The following PRKACB variants were observed in gnomAD, a reference collection of about 807,000 sequenced individuals.
PRKACB encodes cAMP-dependent protein kinase catalytic subunit beta.
In PRKACB, 16 loss-of-function variants were observed where a neutral mutation model predicts 51.4. The observed-to-expected ratio is 0.31, with a 90% CI of 0.21 to 0.47. The LOEUF (loss-of-function observed/expected upper bound fraction) is 0.47. Among genes scored for constraint, PRKACB ranks in the 20% least tolerant of loss-of-function variants. The probability of loss-of-function intolerance (pLI) is 1.00; values close to 1 mark genes in which losing one functional copy is unlikely to be tolerated. For missense variants in PRKACB, 309 were observed against 464.5 expected, an observed-to-expected ratio of 0.67 and a Z score of 3.08; for synonymous variants, 147 against 154.4, an observed-to-expected ratio of 0.95 and a Z score of 0.35.
chr1:84,144,312 C>T lies in PRKACB; in HGVS notation c.-50C>T. 8 of 1,589,886 alleles carry T rather than the reference C, an allele frequency of 5.0e-6. No homozygotes were observed. In the Admixed American group the frequency reaches 1.5e-4, roughly 30 times the overall value. On this transcript the variant is annotated 5_prime_UTR_variant, in exon 1 of 10. Transcript: ENST00000370685. ...GCTTCTGTGTAAGAAGTTGTGAGCTCCTTCTGGAAACATTTGCAGTTACAT... is the reference window on the plus strand; with the variant it reads ...GCTTCTGTGTAAGAAGTTGTGAGCTTCTTCTGGAAACATTTGCAGTTACAT...
At chr1:84,117,248 A>G (rs1056551513) in intron 1 of PRKACB, among the ~76,000 whole-genome samples, 1 of 151,942 alleles carries the variant, frequency 6.6e-6, no homozygotes, top group African/African-American at 2.4e-5. Context: ...TTCAGCAGGG[A>G]TGTTGACCTG....
chr1:84,193,959 T>C (rs1380408254), intron 5 of PRKACB, among the ~76,000 whole-genome samples: 1 of 152,138 alleles, frequency 6.6e-6, no homozygotes, highest in Non-Finnish European at 1.5e-5. Context: ...TGAGCAAACA[T>C]TGGAGTCATT....
chr1:84,108,501 A>T (rs1448422965), intron 1 of PRKACB, among the ~76,000 whole-genome samples: 1 of 151,844 alleles, frequency 6.6e-6, no homozygotes, highest in Non-Finnish European at 1.5e-5. Flanking sequence ...TTAAAATACT[A>T]AAAAAAAGTG....
intron 9 of PRKACB, among the ~76,000 whole-genome samples, chr1:84,230,247 A>G (rs1177977224): frequency 4.7e-5 from 7 of 149,804 alleles, no homozygotes; most frequent in Non-Finnish European, 9.0e-5. Context: ...AGTTGTAGAT[A>G]TGTGGCATTA....
chr1:84,086,261 G>C, intron 1 of PRKACB: 1 of 1,457,440 alleles, frequency 6.9e-7, no homozygotes, highest in Non-Finnish European at 9.6e-7. Context: ...TGGTTCCCTT[G>C]CCCCCATGGG....
chr1:84,147,881 A>G (rs558168741), intron 1 of PRKACB, among the ~76,000 whole-genome samples: 29 of 152,274 alleles, frequency 1.9e-4, no homozygotes, highest in African/African-American at 6.3e-4. Context: ...TCTATTAGAC[A>G]TCCAGAATTT....
chr1:84,173,428 G>C, intron 1 of PRKACB: 2 of 1,230,520 alleles, frequency 1.6e-6, no homozygotes, highest in African/African-American at 1.5e-5. Flanking sequence ...GAGATATTTT[G>C]TGGCAATTAG....
At chr1:84,164,728 G>C in intron 1 of PRKACB, 3 of 1,372,944 alleles carry the variant, frequency 2.2e-6, no homozygotes, top group East Asian at 2.6e-5. Flanking sequence ...ATATGAAGGA[G>C]GCTGGGATAA....
At chr1:84,215,800 C>G (rs893385560) in intron 9 of PRKACB, among the ~76,000 whole-genome samples, 1 of 152,048 alleles carries the variant, frequency 6.6e-6, no homozygotes, top group African/African-American at 2.4e-5. Flanking sequence ...ACCTTTATCT[C>G]TCATTTTGCT....
chr1:84,235,133 GA>G, intron 9 of PRKACB, 46 bp from the exon 10 acceptor site: 1 of 1,564,318 alleles, frequency 6.4e-7, no homozygotes, highest in Non-Finnish European at 8.7e-7. Context: ...AAACTCTCAG[GA>G]ATTTTTTTTT....
chr1:84,197,440 A>AT (rs1668526964), intron 6 of PRKACB, among the ~76,000 whole-genome samples: 1 of 151,888 alleles, frequency 6.6e-6, no homozygotes, highest in Non-Finnish European at 1.5e-5. Context: ...TTTACCTTTT[A>AT]TTTTCACTTT....
At chr1:84,206,419 C>T (rs1217614863) in intron 8 of PRKACB, among the ~76,000 whole-genome samples, 1 of 152,060 alleles carries the variant, frequency 6.6e-6, no homozygotes, top group African/African-American at 2.4e-5. Context: ...GAGGACTCAA[C>T]AAGATTCAGC....
chr1:84,106,899 A>T (rs183955152), intron 1 of PRKACB, among the ~76,000 whole-genome samples: 3 of 152,196 alleles, frequency 2.0e-5, no homozygotes. Context: ...ACTGGTATAA[A>T]AACAGACACA....
In PRKACB at chr1:84,231,127, T is replaced by C. The variant is rs529567180; in HGVS notation, c.1072-4053T>C. On this transcript the variant is annotated intron_variant, in intron 9 of 9. Transcript: ENST00000370685. ...CCATCAATACCTAATTTATTGAGAGTTTTTAGCGTGTTGAATTTTGTCAAA... is the reference window on the plus strand; with the variant it reads ...CCATCAATACCTAATTTATTGAGAGCTTTTAGCGTGTTGAATTTTGTCAAA... 3.1e-3 allele frequency among the ~76,000 whole-genome samples: 460 copies of C among 150,438 alleles called. 1 individual carries two copies. The highest frequency in any genetic ancestry group is 5.5e-3 in the South Asian group (26 of 4,740).
At position 84,235,521 on chromosome 1, in the gene PRKACB, C is replaced by G. The variant is rs1676587397; in HGVS notation, c.*216C>G. ...GCATTGTCTGTGCCATAACACAGTACTAGACCACTTTCTTACTTCTCTTTG... is the reference window on the plus strand; with the variant it reads ...GCATTGTCTGTGCCATAACACAGTAGTAGACCACTTTCTTACTTCTCTTTG... On this transcript the variant is annotated 3_prime_UTR_variant, in exon 10 of 10. Coordinates refer to ENST00000370685, the MANE Select transcript of PRKACB (RefSeq NM_182948.4). 3 of 495,104 alleles carry G rather than the reference C, an allele frequency of 6.1e-6. No individual in the cohort carries two copies. Among genetic ancestry groups the G allele is most frequent in the Admixed American group, 7.6e-5 (2 of 26,270 alleles). The allele number at this position is 495,104 out of a possible 1,614,324, so 30.7% of individuals were successfully genotyped here. A position where few individuals can be genotyped will look rare whatever the true frequency, so the allele number is the denominator to read the frequency against.
In PRKACB at chr1:84,078,280, C is replaced by T. The variant is rs766805101; in HGVS notation, c.-46C>T. On this transcript the variant is annotated 5_prime_UTR_variant, in exon 1 of 9. Transcript: ENST00000370688. ...GACTGTGGAGTGGCGGGCACGGCCCCAGCCCCCCTTCCCTTCCCTGACCCC... is the reference window on the plus strand; with the variant it reads ...GACTGTGGAGTGGCGGGCACGGCCCTAGCCCCCCTTCCCTTCCCTGACCCC... 16 of 1,560,692 alleles carry T rather than the reference C, an allele frequency of 1.0e-5. No homozygotes were observed. The South Asian group carries it at 1.9e-4, about 18-fold the overall frequency.
At chr1:84,147,560 A>G (rs928369052) in intron 1 of PRKACB, among the ~76,000 whole-genome samples, 3 of 152,036 alleles carry the variant, frequency 2.0e-5, no homozygotes, top group Non-Finnish European at 4.4e-5. Flanking sequence ...CAGGAAAAAT[A>G]AGATCTAGTT....
chr1:84,114,384 T>C (rs1650464908), intron 1 of PRKACB, among the ~76,000 whole-genome samples: 1 of 152,062 alleles, frequency 6.6e-6, no homozygotes, highest in African/African-American at 2.4e-5. Flanking sequence ...TTCAGAACAG[T>C]GGTTGTTTCT....
chr1:84,121,451 T>C (rs1317676802), intron 1 of PRKACB, among the ~76,000 whole-genome samples: 1 of 152,096 alleles, frequency 6.6e-6, no homozygotes, highest in Non-Finnish European at 1.5e-5. Flanking sequence ...AACTTTTTAA[T>C]TGAAAAATCC....
Sources: allele counts gnomAD v4.1 joint callset (sites outside exome capture counted in the v4.1 genomes callset), GRCh38; gene constraint gnomAD v4.1.1; transcripts MANE v1.5; gene names NCBI Gene and HGNC (gene_info 2026-07-23, HGNC 2026-07-21).